BDNF: variants seen among roughly 807,000 people sequenced by gnomAD.
The protein encoded by BDNF is brain derived neurotrophic factor.
In BDNF, 1 loss-of-function variant was observed where a neutral mutation model predicts 19.5. The observed-to-expected ratio is 0.05, with a 90% CI of 0.02 to 0.24. The LOEUF is 0.24. BDNF is among the 10% of genes least tolerant of loss of function. The probability of loss-of-function intolerance (pLI) is 1.00; values close to 1 mark genes in which losing one functional copy is unlikely to be tolerated. For missense variants in BDNF, 195 were observed against 317.6 expected, an observed-to-expected ratio of 0.61 and a Z score of 2.93; for synonymous variants, 100 against 121.6, an observed-to-expected ratio of 0.82 and a Z score of 1.17.
At chr11:27,701,268 G>C, upstream of BDNF, 1 of 1,129,558 alleles carries the variant, frequency 8.9e-7, no homozygotes, top group Non-Finnish European at 1.1e-6. Context: ...ACAGAAAAAC[G>C]GAAAGAGAAA....
At chr11:27,715,356 C>T (rs936362047) in intron 1 of BDNF, among the ~76,000 whole-genome samples, 1 of 152,140 alleles carries the variant, frequency 6.6e-6, no homozygotes, top group Admixed American at 6.5e-5. Flanking sequence ...TGAGAACCTT[C>T]CCAGAACCCA....
Position 27,656,568 on chromosome 11 carries a change from G to A in BDNF, c.*1253C>T, listed in dbSNP as rs945665379. 11 of 985,578 alleles carry A rather than the reference G, an allele frequency of 1.1e-5. No individual in the cohort carries two copies. The African/African-American group carries it at 1.2e-4, about 11-fold the overall frequency. 61.1% of individuals were successfully genotyped at this position (985,578 alleles called of 1,614,324 possible). On this transcript the variant is annotated 3_prime_UTR_variant, in exon 2 of 2. Transcript: ENST00000356660. ...ACTCAGAAATTCCTCCCGCACTGCC[G>A]GTAAATGCAATGCCAACTCCACATA...
chr11:27,668,862 C>T (rs1267927838), intron 1 of BDNF, among the ~76,000 whole-genome samples: 2 of 152,022 alleles, frequency 1.3e-5, no homozygotes, highest in Non-Finnish European at 2.9e-5. Context: ...CATTCTGAAA[C>T]TATTCTAATC....
At chr11:27,698,763 T>C (rs1859500076) in intron 1 of BDNF, among the ~76,000 whole-genome samples, 1 of 152,158 alleles carries the variant, frequency 6.6e-6, no homozygotes, top group Non-Finnish European at 1.5e-5. Flanking sequence ...GAAATATGCC[T>C]TTCTTTGCTT....
intron 1 of BDNF, among the ~76,000 whole-genome samples, chr11:27,688,659 G>A (rs941741257): frequency 2.0e-5 from 3 of 152,178 alleles, no homozygotes; most frequent in Non-Finnish European, 4.4e-5. Flanking sequence ...TTGGCTAGGG[G>A]AGGGAGTTCC....
At chr11:27,706,632 C>T (rs1385684946) in intron 1 of BDNF, among the ~76,000 whole-genome samples, 1 of 152,134 alleles carries the variant, frequency 6.6e-6, no homozygotes, top group Non-Finnish European at 1.5e-5. Context: ...CTTGGTCTAC[C>T]CTGGACCTCC....
At chr11:27,721,734 G>A in exon 1 of BDNF, 1 of 463,268 alleles carries the variant, frequency 2.2e-6, no homozygotes, top group South Asian at 2.6e-5. Context: ...AATGAGCGAG[G>A]TTACCAATGA....
In BDNF at chr11:27,719,409, GC is replaced by G. The variant is rs558988745; in HGVS notation, c.3+2002del. ...TTCTCCACCGCCTCCAGCCGCCCAG[GC>G]CCCCTCGCCCGGCCCGCTCTCTGGC... On this transcript the variant is annotated intron_variant, in intron 1 of 1. Transcript: ENST00000314915. The G allele has an allele frequency of 1.4e-4, 130 of 961,748 alleles. 1 individual carries two copies. In the South Asian group the frequency reaches 4.2e-3, roughly 31 times the overall value. 59.6% of individuals were successfully genotyped at this position (961,748 alleles called of 1,614,324 possible).
chr11:27,665,565 A>T (rs186783001), intron 1 of BDNF, among the ~76,000 whole-genome samples: 5 of 152,216 alleles, frequency 3.3e-5, no homozygotes, highest in Non-Finnish European at 7.4e-5. Flanking sequence ...GACACTCCCC[A>T]CCCTAATACT....
chr11:27,698,803 G>A, intron 1 of BDNF, among the ~76,000 whole-genome samples: 1 of 152,050 alleles, frequency 6.6e-6, no homozygotes, highest in East Asian at 1.9e-4. Context: ...CGTGCTTGTC[G>A]GAAAATGTTC....
chr11:27,712,650 G>A (rs1860375604), intron 1 of BDNF, among the ~76,000 whole-genome samples: 1 of 151,764 alleles, frequency 6.6e-6, no homozygotes, highest in Non-Finnish European at 1.5e-5. Context: ...CAAGTAGCTG[G>A]GATTAAAGGT....
chr11:27,657,790 A>T lies in BDNF; in HGVS notation c.*31T>A, dbSNP rs781776605. The T allele has an allele frequency of 6.2e-7, 1 of 1,609,730 alleles. No homozygotes were observed. Among genetic ancestry groups the T allele is most frequent in the Admixed American group, 1.7e-5 (1 of 59,976 alleles). The stretch of plus-strand genomic sequence containing the variant: ...TATACAAATAGATAATTTTTGTCTC[A>T]ATATAATCTAATCTATACAACATAA... On this transcript the variant is annotated 3_prime_UTR_variant, in exon 2 of 2. Coordinates refer to ENST00000356660, the MANE Select transcript of BDNF (RefSeq NM_001709.5). The surrounding 1 kb of genome is among the most constrained non-coding windows in gnomAD (Gnocchi z 5.0).
intron 1 of BDNF, among the ~76,000 whole-genome samples, chr11:27,666,944 A>C (rs1304974258): frequency 6.6e-6 from 1 of 152,182 alleles, no homozygotes; most frequent in Non-Finnish European, 1.5e-5. Context: ...CCTCAAGAAG[A>C]GTAACTCAAA....
intron 1 of BDNF, among the ~76,000 whole-genome samples, chr11:27,682,532 A>AT (rs1293118293): frequency 1.3e-5 from 2 of 151,800 alleles, no homozygotes; most frequent in Admixed American, 1.3e-4. Flanking sequence ...TACATTAGGT[A>AT]TTTCTCCTAA....
intron 1 of BDNF, among the ~76,000 whole-genome samples, chr11:27,713,305 G>C (rs535477827): frequency 6.6e-6 from 1 of 152,290 alleles, no homozygotes; most frequent in African/African-American, 2.4e-5. Flanking sequence ...TACTAAAGTA[G>C]CCAGAACAAC....
chr11:27,666,169 AC>A (rs1289667661), intron 1 of BDNF, among the ~76,000 whole-genome samples: 2 of 152,116 alleles, frequency 1.3e-5, no homozygotes, highest in African/African-American at 4.8e-5. Flanking sequence ...TCTGGAGTGG[AC>A]CTCCAGCAAA....
At chr11:27,697,158 CACACACAGAG>C (rs1428823452) in intron 1 of BDNF, among the ~76,000 whole-genome samples, 40 of 113,670 alleles carry the variant, frequency 3.5e-4, no homozygotes, top group East Asian at 1.9e-3. Context: ...CACACACACA[CACACACAGAG>C]AGAGAGAGAG....
chr11:27,706,576 C>T (rs1230851546), intron 1 of BDNF, among the ~76,000 whole-genome samples: 1 of 152,230 alleles, frequency 6.6e-6, no homozygotes, highest in Admixed American at 6.5e-5. Context: ...TCAGATCTCA[C>T]AACCTTTCTT....
chr11:27,701,095 C>G (rs1201320781), upstream of BDNF: 7 of 1,314,396 alleles, frequency 5.3e-6, no homozygotes, highest in Admixed American at 2.2e-5. Context: ...AGTTCGCGCA[C>G]TGACCTCTCT....
Sources: allele counts gnomAD v4.1 joint callset (sites outside exome capture counted in the v4.1 genomes callset), GRCh38; gene constraint gnomAD v4.1.1; non-coding constraint Gnocchi (gnomAD v3.1); transcripts MANE v1.5; gene names NCBI Gene and HGNC (gene_info 2026-07-23, HGNC 2026-07-21).